Variants in SNX7 observed in about 807,000 individuals in gnomAD.
SNX7 encodes the protein sorting nexin-7.
SNX7 carries 35 observed loss-of-function variants against 48.4 expected under a neutral mutation model. The ratio of observed to expected loss-of-function variants is 0.72; its 90% CI spans 0.55 to 0.96. SNX7 has a LOEUF of 0.96. Among genes scored for constraint, SNX7 ranks in the 40% least tolerant of loss-of-function variants. The probability of loss-of-function intolerance (pLI) is 0.00; values close to 1 mark genes in which losing one functional copy is unlikely to be tolerated. For missense variants in SNX7, 553 were observed against 548.9 expected, an observed-to-expected ratio of 1.01 and a Z score of -0.07; for synonymous variants, 190 against 190.2, an observed-to-expected ratio of 1.00 and a Z score of 0.01.
intron 7 of SNX7, among the ~76,000 whole-genome samples, chr1:98,733,236 T>C (rs906193067): frequency 2.0e-5 from 3 of 152,158 alleles, no homozygotes; most frequent in African/African-American, 7.2e-5. Context: ...CCCTACGGTA[T>C]TTGTTCTTCC....
intron 7 of SNX7, among the ~76,000 whole-genome samples, chr1:98,721,346 C>T (rs1398268667): frequency 6.6e-6 from 1 of 152,052 alleles, no homozygotes. Flanking sequence ...ATAAACTGTG[C>T]ACGTAAGTAG....
chr1:98,699,014 G>A, intron 6 of SNX7, 109 bp downstream of exon 6: 2 of 1,010,452 alleles, frequency 2.0e-6, no homozygotes, highest in Admixed American at 2.4e-5. Context: ...GTCCTAGCAG[G>A]TTGTTTTGCA....
At chr1:98,728,658 TGACA>T (rs1227033223) in intron 7 of SNX7, among the ~76,000 whole-genome samples, 2 of 152,224 alleles carry the variant, frequency 1.3e-5, no homozygotes, top group East Asian at 3.9e-4. Context: ...TCCTAGTTTC[TGACA>T]GACAGACTTT....
At chr1:98,736,611 G>A (rs1653792845) in intron 7 of SNX7, among the ~76,000 whole-genome samples, 1 of 152,116 alleles carries the variant, frequency 6.6e-6, no homozygotes, top group Non-Finnish European at 1.5e-5. Context: ...AAACAAGAGA[G>A]TGAAAAAATA....
At chr1:98,691,043 C>A in intron 2 of SNX7, 32 bp from the exon 3 acceptor site, 1 of 1,425,180 alleles carries the variant, frequency 7.0e-7, no homozygotes, top group Non-Finnish European at 9.8e-7. Flanking sequence ...TCTTATATTG[C>A]ATGTGCTGTT....
intron 7 of SNX7, among the ~76,000 whole-genome samples, chr1:98,703,681 A>G (rs1224685051): frequency 2.0e-5 from 3 of 151,982 alleles, no homozygotes; most frequent in East Asian, 1.9e-4. Flanking sequence ...ACATATGTGT[A>G]TAAACATATA....
chr1:98,676,593 CTT>C (rs1650179237), intron 1 of SNX7, among the ~76,000 whole-genome samples: 1 of 152,152 alleles, frequency 6.6e-6, no homozygotes. Flanking sequence ...CAGAGCTAAA[CTT>C]TTTGTGGGAA....
At chr1:98,702,592 G>A (rs1651807802) in intron 7 of SNX7, among the ~76,000 whole-genome samples, 1 of 151,998 alleles carries the variant, frequency 6.6e-6, no homozygotes, top group South Asian at 2.1e-4. Context: ...CATTTTCAGA[G>A]TAATACTATC....
intron 7 of SNX7, among the ~76,000 whole-genome samples, chr1:98,705,764 C>G (rs1651974778): frequency 6.6e-6 from 1 of 152,030 alleles, no homozygotes; most frequent in Non-Finnish European, 1.5e-5. Context: ...GGAAGGAGGC[C>G]TTATCTGTCA....
chr1:98,683,241 A>C (rs1650600632), intron 1 of SNX7, among the ~76,000 whole-genome samples: 2 of 152,068 alleles, frequency 1.3e-5, no homozygotes, highest in African/African-American at 4.8e-5. Context: ...TGTTTGGTAG[A>C]TCCTACACCA....
At chr1:98,759,977 G>A in intron 8 of SNX7, 77 bp from the exon 9 acceptor site, 1 of 915,442 alleles carries the variant, frequency 1.1e-6, no homozygotes, top group Non-Finnish European at 1.8e-6. Flanking sequence ...AGGAACAGAT[G>A]TGTTAGAATT....
intron 8 of SNX7, among the ~76,000 whole-genome samples, chr1:98,751,167 T>C (rs538046894): frequency 6.6e-6 from 1 of 152,168 alleles, no homozygotes; most frequent in Admixed American, 6.6e-5. Flanking sequence ...GAAGCTTCCA[T>C]TGAAAGCTGT....
At chr1:98,683,433 G>A (rs9434139) in intron 1 of SNX7, among the ~76,000 whole-genome samples, 40,831 of 151,778 alleles carry the variant, frequency 0.27, 5,696 homozygotes, top group Non-Finnish European at 0.3. Context: ...TGTCCACCCA[G>A]AATTCATACA....
At chr1:98,736,911 CAT>C (rs1290284353) in intron 7 of SNX7, among the ~76,000 whole-genome samples, 1 of 152,026 alleles carries the variant, frequency 6.6e-6, no homozygotes, top group Non-Finnish European at 1.5e-5. Flanking sequence ...ATGGTAGTAA[CAT>C]ATAAGGCCCC....
intron 7 of SNX7, among the ~76,000 whole-genome samples, chr1:98,702,768 G>C (rs1476399021): frequency 6.6e-6 from 1 of 151,960 alleles, no homozygotes; most frequent in Non-Finnish European, 1.5e-5. Flanking sequence ...GTATAGAAGT[G>C]GGAAAAATGG....
rs192940886 is a variant in SNX7 at position 98,728,990 on chromosome 1, G to T, written c.1126-9247G>T. ...TCCCCACCCCAAAATGACAGAATATGCATTCTTCCCAGTGCCACATGGCAC... is the reference window on the plus strand; with the variant it reads ...TCCCCACCCCAAAATGACAGAATATTCATTCTTCCCAGTGCCACATGGCAC... On this transcript the variant is annotated intron_variant, in intron 7 of 8. Coordinates refer to ENST00000306121, the MANE Select transcript of SNX7 (RefSeq NM_015976.5). Among the ~76,000 whole-genome samples, 30 of 152,236 alleles carry T rather than the reference G, an allele frequency of 2.0e-4. No individual in the cohort carries two copies. The East Asian group carries it at 5.6e-3, about 28-fold the overall frequency.
chr1:98,662,854 T>C (rs1188719877), intron 1 of SNX7: 1 of 1,288,398 alleles, frequency 7.8e-7, no homozygotes, highest in Non-Finnish European at 1.0e-6. Context: ...GCATTTACTC[T>C]GGGAGAGCAA....
chr1:98,759,906 T>C (rs977860011), intron 8 of SNX7, 148 bp from the exon 9 acceptor site: 2 of 577,250 alleles, frequency 3.5e-6, no homozygotes, highest in Admixed American at 5.7e-5. Context: ...AATTAAAATA[T>C]GTAGAAAATG....
At chr1:98,672,679 C>T (rs773063082) in intron 1 of SNX7, among the ~76,000 whole-genome samples, 6 of 150,722 alleles carry the variant, frequency 4.0e-5, no homozygotes, top group Middle Eastern at 6.8e-3. Context: ...AATCCCAGCA[C>T]TTTGGGAGGC....
Sources: allele counts gnomAD v4.1 joint callset (sites outside exome capture counted in the v4.1 genomes callset), GRCh38; gene constraint gnomAD v4.1.1; transcripts MANE v1.5; gene names NCBI Gene and HGNC (gene_info 2026-07-23, HGNC 2026-07-21).